The following NALCN variants were observed in gnomAD, a reference collection of about 807,000 sequenced individuals.
The protein encoded by NALCN is sodium leak channel, non-selective, also known as sodium leak channel NALCN.
In NALCN, 111 loss-of-function variants were observed where a neutral mutation model predicts 225.3. The ratio of observed to expected loss-of-function variants is 0.49; its 90% CI spans 0.42 to 0.58. NALCN has a LOEUF of 0.58. Ranked by LOEUF, NALCN falls within the 20% of genes least tolerant of loss-of-function variation. The pLI, the probability that NALCN is intolerant of heterozygous loss-of-function variation, is 0.00. For synonymous variants in NALCN, 764 were observed against 769.0 expected, an observed-to-expected ratio of 0.99 and a Z score of 0.11; for missense variants, 1,378 against 2,202.4, an observed-to-expected ratio of 0.63 and a Z score of 7.49.
intron 13 of NALCN, among the ~76,000 whole-genome samples, chr13:101,212,402 T>C (rs1242645962): frequency 6.6e-6 from 1 of 152,178 alleles, no homozygotes; most frequent in Non-Finnish European, 1.5e-5. Context: ...GTAGCATATG[T>C]CACCTTTGGC....
Position 101,404,751 on chromosome 13 carries a change from G to A in NALCN, c.-39-5586C>T, listed in dbSNP as rs565862762. Among the ~76,000 whole-genome samples the A allele has an allele frequency of 9.2e-5, 14 of 152,286 alleles. No homozygotes were observed. The Middle Eastern group carries it at 0.014, about 148-fold the overall frequency. On this transcript the variant is annotated intron_variant, in intron 1 of 43. Transcript: ENST00000251127. The stretch of plus-strand genomic sequence containing the variant: ...TTTTTTAAATCTAGCCATATTCTGT[G>A]AACATCATCCTCTGTCAATAAATAC...
At chr13:101,224,188 C>T (rs1026147772) in intron 13 of NALCN, among the ~76,000 whole-genome samples, 1 of 152,166 alleles carries the variant, frequency 6.6e-6, no homozygotes, top group Non-Finnish European at 1.5e-5. Context: ...CTTCCCTTCG[C>T]CTCACCTAAA....
At chr13:101,338,386 TA>T (rs1420256395) in intron 7 of NALCN, among the ~76,000 whole-genome samples, 1 of 152,224 alleles carries the variant, frequency 6.6e-6, no homozygotes, top group East Asian at 1.9e-4. Context: ...TAAAGACTAA[TA>T]AAAAATGCAT....
At chr13:101,098,865 C>T (rs2034656794) in intron 27 of NALCN, among the ~76,000 whole-genome samples, 1 of 151,444 alleles carries the variant, frequency 6.6e-6, no homozygotes, top group South Asian at 2.1e-4. Context: ...TTCAATCGTT[C>T]TGCTTGGTGC....
intron 6 of NALCN, among the ~76,000 whole-genome samples, chr13:101,363,182 C>T (rs987804286): frequency 6.6e-6 from 1 of 152,044 alleles, no homozygotes; most frequent in African/African-American, 2.4e-5. Context: ...TCTACAGTTT[C>T]AATGCAATCT....
chr13:101,403,226 T>C (rs1489648735), intron 1 of NALCN, among the ~76,000 whole-genome samples: 2 of 152,196 alleles, frequency 1.3e-5, no homozygotes, highest in East Asian at 1.9e-4. Context: ...GTGCTGGGTA[T>C]ACAGCACTGA....
chr13:101,196,192 T>G (rs745800988), intron 13 of NALCN, among the ~76,000 whole-genome samples: 13 of 152,324 alleles, frequency 8.5e-5, no homozygotes, highest in African/African-American at 3.1e-4. Context: ...GGTTTGGTTT[T>G]GTTTTTGCTG....
chr13:101,058,425 G>GTTTTAAT, intron 42 of NALCN: 8 of 152,468 alleles, frequency 5.2e-5, no homozygotes, highest in Non-Finnish European at 8.5e-5. Context: ...GCTGGGCGGG[G>GTTTTAAT]GCAGTCTACT....
rs1293582346 is a variant in NALCN, at chr13:101,242,365, G to A, written c.1267-4443C>T. Among the ~76,000 whole-genome samples the A allele has an allele frequency of 1.9e-5, 2 of 104,666 alleles. 1 individual carries two copies. Among genetic ancestry groups the A allele is most frequent in the Non-Finnish European group, 4.3e-5 (2 of 47,056 alleles). The allele number at this position is 104,666 out of a possible 152,430, so 68.7% of individuals were successfully genotyped here. On this transcript the variant is annotated intron_variant, in intron 11 of 43. Transcript: ENST00000251127. The stretch of plus-strand genomic sequence containing the variant: ...TTCATTAATTTGGACGCTCGACTTG[G>A]TTTTTCTAATCTCCTGGCTTAATTC...
At chr13:101,339,036 TCA>T (rs1335317159) in intron 7 of NALCN, among the ~76,000 whole-genome samples, 1 of 152,250 alleles carries the variant, frequency 6.6e-6, no homozygotes, top group Non-Finnish European at 1.5e-5. Context: ...TTACAGAAAA[TCA>T]CAGTGTCGCC....
At chr13:101,164,699 A>G (rs1481502687) in intron 15 of NALCN, among the ~76,000 whole-genome samples, 1 of 152,126 alleles carries the variant, frequency 6.6e-6, no homozygotes, top group Non-Finnish European at 1.5e-5. Context: ...ATTTCTTCAA[A>G]CCAATTTTAT....
At chr13:101,161,964 T>C (rs1382743448) in intron 15 of NALCN, among the ~76,000 whole-genome samples, 1 of 152,142 alleles carries the variant, frequency 6.6e-6, no homozygotes, top group Non-Finnish European at 1.5e-5. Context: ...TTTCCACACT[T>C]ACTCTATACC....
In NALCN at chr13:101,130,858, T is replaced by A. The variant is rs147365856; in HGVS notation, c.2119-6177A>T. Among the ~76,000 whole-genome samples the A allele has an allele frequency of 8.9e-4, 135 of 152,316 alleles. 2 individuals are homozygous for A. Among genetic ancestry groups the A allele is most frequent in the African/African-American group, 3.2e-3 (132 of 41,592 alleles). Reference sequence around the variant, plus strand: ...CTCCAATATTTTTAGGTGTGTGCTGTCAATATATAGTTTCATATCTTTTTA... The same window carrying A: ...CTCCAATATTTTTAGGTGTGTGCTGACAATATATAGTTTCATATCTTTTTA... On this transcript the variant is annotated intron_variant, in intron 17 of 43. Coordinates refer to ENST00000251127, the MANE Select transcript of NALCN (RefSeq NM_052867.4).
At chr13:101,336,664 G>A (rs116573123) in intron 7 of NALCN, among the ~76,000 whole-genome samples, 4,862 of 151,996 alleles carry the variant, frequency 0.032, 267 homozygotes, top group African/African-American at 0.11. Flanking sequence ...TAATTTTTTC[G>A]TAAAGAAAAC....
chr13:101,084,653 A>G (rs2033843152), intron 30 of NALCN, among the ~76,000 whole-genome samples: 1 of 152,198 alleles, frequency 6.6e-6, no homozygotes, highest in Admixed American at 6.5e-5. Flanking sequence ...TTTCCATACA[A>G]CTAGATTACT....
rs369137916 is a variant in NALCN, at chr13:101,107,488, C to T, written c.2578G>A (p.Ala860Thr). The T allele has an allele frequency of 2.3e-5, 37 of 1,613,910 alleles. No individual in the cohort carries two copies. Among genetic ancestry groups the T allele is most frequent in the Middle Eastern group, 1.6e-4 (1 of 6,068 alleles). ...CRVVVRARFN[A>T]SKTDPVTGAV... ...CTGGCTGAAATGAAGTGTACTTACG[C>T]GTTGAAGCGTGCTCGGACCACCACC... Residue 860 changes from alanine to threonine, a missense_variant and splice_region_variant, in exon 22 of 44, where the codon GCA becomes ACA. Around this residue, in one of 19 missense-constraint regions of NALCN, gnomAD observed 292 missense variants for 409.5 expected, o/e 0.71. Transcript: ENST00000251127.
chr13:101,282,053 G>A (rs141248904), intron 10 of NALCN, among the ~76,000 whole-genome samples: 1 of 152,222 alleles, frequency 6.6e-6, no homozygotes, highest in East Asian at 1.9e-4. Flanking sequence ...TTACACTGTT[G>A]GTGGGGATTT....
Position 101,113,418 on chromosome 13 carries a change from C to T in NALCN, c.2193-2192G>A, listed in dbSNP as rs575094840. Among the ~76,000 whole-genome samples the T allele has an allele frequency of 2.1e-3, 315 of 152,244 alleles. 1 individual carries two copies. The highest frequency in any genetic ancestry group is 2.5e-3 in the Non-Finnish European group (173 of 68,014). ...ATGAAACAGCCTTGTACAGCCTAAG[C>T]CATTGTCACATTTGTTGGTCATGTA... On this transcript the variant is annotated intron_variant, in intron 18 of 43. Coordinates refer to ENST00000251127, the MANE Select transcript of NALCN (RefSeq NM_052867.4).
intron 6 of NALCN, among the ~76,000 whole-genome samples, chr13:101,366,125 A>G (rs2046371157): frequency 6.6e-6 from 1 of 152,158 alleles, no homozygotes; most frequent in Non-Finnish European, 1.5e-5. Context: ...TTTCTGCTAC[A>G]AGCCATTGCT....
Sources: gnomAD v4.1 joint callset for allele counts (sites outside exome capture counted in the v4.1 genomes callset) on GRCh38, gnomAD v4.1.1 for gene constraint, gnomAD v4.1.1 regional missense constraint, MANE v1.5 for transcripts, NCBI Gene and HGNC (gene_info 2026-07-23, HGNC 2026-07-21) for gene names.